Variants in LCA5L observed in about 807,000 individuals in gnomAD.
LCA5L encodes the protein lebercilin LCA5 like.
A neutral mutation model predicts 45.4 loss-of-function variants in LCA5L; 35 were observed. That is an observed-to-expected ratio of 0.77 (90% CI 0.59 to 1.02). LCA5L has a LOEUF of 1.02. Among genes scored for constraint, LCA5L ranks in the 50% least tolerant of loss-of-function variants. The pLI is 0.00. For synonymous variants in LCA5L, 233 were observed against 264.7 expected (o/e 0.88, Z 1.16); for missense variants, 668 against 761.6 (o/e 0.88, Z 1.45).
chr21:39,428,304 G>A lies in LCA5L; in HGVS notation c.190C>T (p.Gln64Ter). 1 of 1,612,386 alleles carries A rather than the reference G, an allele frequency of 6.2e-7. No individual in the cohort carries two copies. Among genetic ancestry groups the A allele is most frequent in the Non-Finnish European group, 8.5e-7 (1 of 1,178,832 alleles). ...AGAAAGTCTTCTGAATAATCATACTGAGAACTTAAACTTCCACAGGAGCAC... is the reference window on the plus strand; with the variant it reads ...AGAAAGTCTTCTGAATAATCATACTAAGAACTTAAACTTCCACAGGAGCAC... Reference protein sequence around the residue: ...SQCSCGSLSSQYDYSEDFLCD... With the variant: ...SQCSCGSLSS The change falls in exon 5 of 11, where the codon CAG becomes TAG. Residue 64 changes from glutamine (Q) to a stop codon, truncating the protein, a stop_gained. Coordinates refer to ENST00000288350, the MANE Select transcript of LCA5L (RefSeq NM_152505.4). LOFTEE classifies it high-confidence loss of function.
At chr21:39,418,013 A>G (rs986569553) in intron 7 of LCA5L, among the ~76,000 whole-genome samples, 1 of 152,084 alleles carries the variant, frequency 6.6e-6, no homozygotes, top group Non-Finnish European at 1.5e-5. Flanking sequence ...TGATCCACCC[A>G]CCTTGGCCTC....
intron 3 of LCA5L, among the ~76,000 whole-genome samples, chr21:39,433,927 CTTTTTTTTTTT>C (rs10574659): frequency 1.0e-5 from 1 of 95,826 alleles, no homozygotes; most frequent in Non-Finnish European, 2.0e-5. Flanking sequence ...CCACATCCAG[CTTTTTTTTTTT>C]TTTTTTTTTT....
chr21:39,410,242 C>T (rs1249884586), intron 9 of LCA5L, 22 bp downstream of exon 9: 2 of 1,467,586 alleles, frequency 1.4e-6, no homozygotes, highest in Admixed American at 1.7e-5. Flanking sequence ...TCAGACACTG[C>T]AAGATTCCAA....
In LCA5L at chr21:39,411,687, T is replaced by C. The variant is rs909288248; in HGVS notation, c.1060+31A>G. On this transcript the variant is annotated intron_variant, in intron 8 of 10. Transcript: ENST00000288350. ...GAAAATCTGACTAGATACTTAAAAA[T>C]AGATTTTGAGCAAAAGTAATTAAAA... The C allele has an allele frequency of 2.6e-6, 3 of 1,171,008 alleles. No homozygotes were observed. The African/African-American group carries it at 4.6e-5, about 18-fold the overall frequency. The allele number at this position is 1,171,008 out of a possible 1,614,324, so 72.5% of individuals were successfully genotyped here.
chr21:39,434,893 A>G (rs569299083), intron 3 of LCA5L, among the ~76,000 whole-genome samples: 1 of 152,354 alleles, frequency 6.6e-6, no homozygotes, highest in East Asian at 1.9e-4. Flanking sequence ...GGGGTTATGA[A>G]GAAGGTAAGG....
chr21:39,437,996 G>A (rs1263224933), intron 2 of LCA5L, among the ~76,000 whole-genome samples: 1 of 152,078 alleles, frequency 6.6e-6, no homozygotes, highest in Non-Finnish European at 1.5e-5. Flanking sequence ...GAAATACTGA[G>A]TAATTTTGTG....
intron 5 of LCA5L, chr21:39,425,827 A>AGG (rs2074594029): frequency 6.6e-6 from 1 of 152,294 alleles, no homozygotes; most frequent in Non-Finnish European, 1.5e-5. Context: ...GATGGGATCC[A>AGG]TGGGCACTGG....
chr21:39,418,978 G>A (rs1445052551), intron 7 of LCA5L, among the ~76,000 whole-genome samples: 1 of 152,110 alleles, frequency 6.6e-6, no homozygotes, highest in Non-Finnish European at 1.5e-5. Context: ...CCATGCCTAT[G>A]TTCTATGTAT....
chr21:39,419,260 C>T (rs2041851165), intron 7 of LCA5L, among the ~76,000 whole-genome samples: 1 of 151,994 alleles, frequency 6.6e-6, no homozygotes, highest in African/African-American at 2.4e-5. Flanking sequence ...TGTGGTGGCT[C>T]ACACCTGTAA....
intron 10 of LCA5L, 89 bp from the exon 11 acceptor site, chr21:39,406,701 G>A (rs149433842): frequency 3.7e-5 from 35 of 950,586 alleles, no homozygotes; most frequent in Admixed American, 1.5e-4. Flanking sequence ...TACGTGCACC[G>A]CCTCACAAGC....
chr21:39,423,024 T>C lies in LCA5L; in HGVS notation c.789A>G (p.Lys263=). The C allele has an allele frequency of 6.2e-7, 1 of 1,614,092 alleles. No homozygotes were observed. Among genetic ancestry groups the C allele is most frequent in the South Asian group, 1.1e-5 (1 of 91,080 alleles). Residue 263 remains lysine (K), a synonymous_variant, in exon 6 of 11, where the codon AAA becomes AAG. Transcript: ENST00000288350. ...CCATTTTTGTTGTGATAATAGATAA[T>C]TTATGAGTGAGTTCTTCCCTTTCTG... ...NLAEREELTH[K]LSIITTKMDA... is the part of the protein sequence containing the mutation.
chr21:39,414,742 CTGTGTGTGTGTGTG>C (rs66478742), intron 7 of LCA5L, among the ~76,000 whole-genome samples: 12 of 99,234 alleles, frequency 1.2e-4, no homozygotes, highest in African/African-American at 4.4e-4. Context: ...CTCTCTCTCT[CTGTGTGTGTGTGTG>C]TGTGTGTGTG....
chr21:39,407,069 A>G (rs1292640865), intron 10 of LCA5L, among the ~76,000 whole-genome samples: 1 of 152,170 alleles, frequency 6.6e-6, no homozygotes, highest in African/African-American at 2.4e-5. Flanking sequence ...TCTACAAAAA[A>G]TACAAAAATT....
intron 3 of LCA5L, among the ~76,000 whole-genome samples, chr21:39,433,129 G>A: frequency 6.6e-6 from 1 of 152,082 alleles, no homozygotes; most frequent in Non-Finnish European, 1.5e-5. Context: ...TTTGAAGAAT[G>A]ATCCTGGCCG....
intron 5 of LCA5L, among the ~76,000 whole-genome samples, chr21:39,423,774 C>T (rs994357601): frequency 6.6e-6 from 1 of 152,094 alleles, no homozygotes; most frequent in South Asian, 2.1e-4. Flanking sequence ...TACATAGCCA[C>T]GAAGTGACAC....
chr21:39,422,990 C>T lies in LCA5L; in HGVS notation c.823G>A (p.Asp275Asn), dbSNP rs1397996081. The change falls in exon 6 of 11, where the codon GAC becomes AAC. Residue 275 changes from aspartate to asparagine, a missense_variant. Coordinates refer to ENST00000288350, the MANE Select transcript of LCA5L (RefSeq NM_152505.4). ...GAAATACAGACCTGTATTTTTTTGT[C>T]ATTTGCGTCCATTTTTGTTGTGATA... ...SIITTKMDAN[D>N]KKIQSLEKQL... 6.2e-7 allele frequency: 1 copy of T among 1,610,464 alleles called. No individual in the cohort carries two copies.
At chr21:39,408,070 T>G (rs1172898800) in intron 10 of LCA5L, among the ~76,000 whole-genome samples, 1 of 152,256 alleles carries the variant, frequency 6.6e-6, no homozygotes, top group African/African-American at 2.4e-5. Flanking sequence ...CTGAATGAAC[T>G]CTGGGACTCA....
intron 10 of LCA5L, among the ~76,000 whole-genome samples, chr21:39,407,306 T>C (rs2837009): frequency 0.23 from 34,961 of 152,064 alleles, 4,360 homozygotes; most frequent in African/African-American, 0.33. Flanking sequence ...ATCCATCCAA[T>C]TGGCAAATAA....
chr21:39,414,635 G>A (rs143041075), intron 7 of LCA5L, among the ~76,000 whole-genome samples: 50 of 151,834 alleles, frequency 3.3e-4, no homozygotes, highest in African/African-American at 1.1e-3. Context: ...CCTGACAAAT[G>A]CTGTGAGGCA....
Sources: gnomAD v4.1 joint callset for allele counts (sites outside exome capture counted in the v4.1 genomes callset) on GRCh38, gnomAD v4.1.1 for gene constraint, MANE v1.5 for transcripts, NCBI Gene and HGNC (gene_info 2026-07-23, HGNC 2026-07-21) for gene names.